The following WFDC1 variants were observed in gnomAD, a reference collection of about 807,000 sequenced individuals.
WFDC1 encodes the protein WAP four-disulfide core domain protein 1.
In WFDC1, 39 loss-of-function variants were observed where a neutral mutation model predicts 32.9. The observed-to-expected ratio is 1.19, with a 90% CI of 0.92 to 1.55. The LOEUF (loss-of-function observed/expected upper bound fraction) is 1.55. WFDC1 is among the 40% of genes most tolerant of loss of function. WFDC1 has a pLI of 0.00. For missense variants in WFDC1, 386 were observed against 309.5 expected (o/e 1.25, Z -1.85); for synonymous variants, 184 against 137.4 (o/e 1.34, Z -2.37).
chr16:84,325,266 A>G (rs934806205), intron 5 of WFDC1, among the ~76,000 whole-genome samples: 1 of 150,914 alleles, frequency 6.6e-6, no homozygotes, highest in African/African-American at 2.4e-5. Flanking sequence ...GCACTGGAGT[A>G]ATCTTGGCTC....
At chr16:84,311,527 C>CAT (rs1555544770) in intron 1 of WFDC1, among the ~76,000 whole-genome samples, 6 of 88,700 alleles carry the variant, frequency 6.8e-5, no homozygotes, top group Non-Finnish European at 1.2e-4. Flanking sequence ...TGCGCCTGGA[C>CAT]TTTTTTTTTT....
chr16:84,313,348 C>A (rs1907760811), intron 2 of WFDC1, among the ~76,000 whole-genome samples, 195 bp downstream of exon 2: 2 of 152,194 alleles, frequency 1.3e-5, no homozygotes, highest in South Asian at 4.1e-4. Context: ...TGCTGTGTGT[C>A]CCACTGCCCC....
chr16:84,320,510 A>G (rs143036424), intron 4 of WFDC1, among the ~76,000 whole-genome samples: 127 of 152,352 alleles, frequency 8.3e-4, no homozygotes, highest in African/African-American at 2.9e-3. Flanking sequence ...TGTTGCTCTC[A>G]TTGGCATAAT....
Position 84,329,703 on chromosome 16 carries a change from C to T in WFDC1, c.*397C>T, listed in dbSNP as rs1241726912. Reference sequence around the variant, plus strand: ...AGGTATGTACCCATCTCAAATGTTCCCAAGATAAATTCATCCTTCAGGAAA... The same window carrying T: ...AGGTATGTACCCATCTCAAATGTTCTCAAGATAAATTCATCCTTCAGGAAA... On this transcript the variant is annotated 3_prime_UTR_variant, in exon 7 of 7. Coordinates refer to ENST00000219454, the MANE Select transcript of WFDC1 (RefSeq NM_021197.4). The T allele has an allele frequency of 6.6e-6, 1 of 152,162 alleles. No homozygotes were observed. Among genetic ancestry groups the T allele is most frequent in the Non-Finnish European group, 1.5e-5 (1 of 68,040 alleles). The allele number at this position is 152,162 out of a possible 1,614,324, so 9.4% of individuals were successfully genotyped here. A position where few individuals can be genotyped will look rare whatever the true frequency, so the allele number is the denominator to read the frequency against.
At chr16:84,304,414 A>C (rs989037429) in intron 1 of WFDC1, among the ~76,000 whole-genome samples, 5 of 152,120 alleles carry the variant, frequency 3.3e-5, no homozygotes, top group African/African-American at 4.8e-5. Flanking sequence ...TTTTTAGTAG[A>C]GACGGGTTTC....
rs759423826 is a variant in WFDC1, at chr16:84,294,955, C to T, written c.-17C>T. 1.6e-5 allele frequency: 26 copies of T among 1,607,088 alleles called. No individual in the cohort carries two copies. Among genetic ancestry groups the T allele is most frequent in the Middle Eastern group, 1.7e-4 (1 of 6,058 alleles). ...CCTCTTCTGTGTGCGTCTGGAAGGTCGCTGCCCAGGGAGGAAATGCCTTTA... is the reference window on the plus strand; with the variant it reads ...CCTCTTCTGTGTGCGTCTGGAAGGTTGCTGCCCAGGGAGGAAATGCCTTTA... On this transcript the variant is annotated 5_prime_UTR_variant, in exon 1 of 7. Transcript: ENST00000219454.
intron 1 of WFDC1, among the ~76,000 whole-genome samples, chr16:84,298,399 A>C (rs1029938598): frequency 6.6e-5 from 10 of 152,112 alleles, no homozygotes; most frequent in African/African-American, 2.2e-4. Flanking sequence ...CCAGCCAGGA[A>C]ATACTTCTTG....
intron 1 of WFDC1, among the ~76,000 whole-genome samples, chr16:84,307,850 C>T (rs1164971436): frequency 6.6e-6 from 1 of 152,090 alleles, no homozygotes; most frequent in Non-Finnish European, 1.5e-5. Context: ...GAGCTAATGG[C>T]GTGGGATTAT....
At chr16:84,323,367 G>C (rs1181962600) in intron 4 of WFDC1, among the ~76,000 whole-genome samples, 2 of 152,202 alleles carry the variant, frequency 1.3e-5, no homozygotes, top group Admixed American at 1.3e-4. Context: ...ATGGAGAAGT[G>C]AGCTAAATTT....
chr16:84,306,672 C>T (rs1296408341), intron 1 of WFDC1, among the ~76,000 whole-genome samples: 1 of 152,214 alleles, frequency 6.6e-6, no homozygotes, highest in East Asian at 1.9e-4. Context: ...ACCCACTGCA[C>T]AGGGCCCATG....
chr16:84,314,950 G>A (rs538043954), intron 2 of WFDC1, among the ~76,000 whole-genome samples: 7 of 152,306 alleles, frequency 4.6e-5, no homozygotes, highest in African/African-American at 1.7e-4. Flanking sequence ...CTCGTTTCAC[G>A]CTCACACAGC....
intron 4 of WFDC1, among the ~76,000 whole-genome samples, chr16:84,322,160 CGTGTGTGTGTGTGTGT>C: frequency 7.0e-6 from 1 of 142,284 alleles, no homozygotes; most frequent in South Asian, 2.4e-4. Context: ...TGTGTGTGTG[CGTGTGTGTGTGTGTGT>C]GTGTGTGTGT....
chr16:84,301,661 A>T (rs574192965), intron 1 of WFDC1, among the ~76,000 whole-genome samples: 1 of 152,180 alleles, frequency 6.6e-6, no homozygotes, highest in East Asian at 1.9e-4. Context: ...GAGAGAGGGG[A>T]TATGTCGTAC....
At chr16:84,315,614 CA>C (rs1351351759) in intron 2 of WFDC1, among the ~76,000 whole-genome samples, 2 of 152,328 alleles carry the variant, frequency 1.3e-5, no homozygotes, top group Non-Finnish European at 2.9e-5. Context: ...ACTTGCTGGG[CA>C]GGGGGGCGCT....
chr16:84,318,026 T>G (rs995935586), intron 2 of WFDC1: 8 of 467,400 alleles, frequency 1.7e-5, no homozygotes, highest in Non-Finnish European at 8.0e-6. Flanking sequence ...TGGTCACTGC[T>G]GCTCACATCT....
At position 84,319,623 on chromosome 16, in the gene WFDC1, C is replaced by G. The variant is rs757403237; in HGVS notation, c.562+52C>G. 8 of 1,593,222 alleles carry G rather than the reference C, an allele frequency of 5.0e-6. No individual in the cohort carries two copies. The South Asian group carries it at 9.0e-5, about 18-fold the overall frequency. ...CTGGCTCCTGCCCCAGTCCCCTTCT[C>G]CCTGTAAGCGCCTCTCACCCGCATG... On this transcript the variant is annotated intron_variant, in intron 4 of 6. Coordinates refer to ENST00000219454, the MANE Select transcript of WFDC1 (RefSeq NM_021197.4).
chr16:84,325,891 C>A (rs972658531), intron 5 of WFDC1: 9 of 151,856 alleles, frequency 5.9e-5, no homozygotes, highest in Non-Finnish European at 1.2e-4. Context: ...TCCATTCATG[C>A]ACATATCCTT....
chr16:84,327,128 T>C (rs1463537888), intron 6 of WFDC1, 173 bp downstream of exon 6: 1 of 629,636 alleles, frequency 1.6e-6, no homozygotes, highest in South Asian at 1.9e-5. Context: ...CAATAGGTTC[T>C]TGGAAACTGA....
chr16:84,315,544 T>C (rs1907897339), intron 2 of WFDC1, among the ~76,000 whole-genome samples: 1 of 152,182 alleles, frequency 6.6e-6, no homozygotes, highest in Non-Finnish European at 1.5e-5. Context: ...ATAACAACAA[T>C]GCTGTCTAAC....
Sources: allele counts gnomAD v4.1 joint callset (sites outside exome capture counted in the v4.1 genomes callset), GRCh38; gene constraint gnomAD v4.1.1; transcripts MANE v1.5; gene names NCBI Gene and HGNC (gene_info 2026-07-23, HGNC 2026-07-21).